Variants in FAM76A observed in about 807,000 individuals in gnomAD.
FAM76A encodes the protein family with sequence similarity 76 member A, also known as protein FAM76A.
FAM76A carries 32 observed loss-of-function variants against 46.2 expected under a neutral mutation model. The observed-to-expected ratio is 0.69, with a 90% confidence interval of 0.52 to 0.93. The LOEUF is 0.93. Among genes scored for constraint, FAM76A ranks in the 40% least tolerant of loss-of-function variants. The pLI, the probability that FAM76A is intolerant of heterozygous loss-of-function variation, is 0.00. For missense variants in FAM76A, 274 were observed against 361.5 expected, an observed-to-expected ratio of 0.76 and a Z score of 1.96; for synonymous variants, 137 against 127.0, an observed-to-expected ratio of 1.08 and a Z score of -0.53.
intron 7 of FAM76A, among the ~76,000 whole-genome samples, chr1:27,759,064 T>G (rs1371413884): frequency 6.6e-6 from 1 of 152,146 alleles, no homozygotes; most frequent in Admixed American, 6.6e-5. Context: ...ACCTCTGATT[T>G]AGAATTTCCT....
In FAM76A at chr1:27,727,502, T is replaced by G. The variant is rs1351606715; in HGVS notation, c.112T>G (p.Cys38Gly). 6.2e-7 allele frequency: 1 copy of G among 1,613,820 alleles called. No homozygotes were observed. Among genetic ancestry groups the G allele is most frequent in the African/African-American group, 1.3e-5 (1 of 74,934 alleles). The change falls in exon 2 of 9, where the codon TGC (cysteine) becomes GGC (glycine). Residue 38 changes from cysteine (C) to glycine (G), a missense_variant. Cys to Gly is a radical substitution (Grantham distance 159). Transcript: ENST00000373954. ...TCGGATTGCACACCCTGTTGTGAAG[T>G]GCACCTACTGCAGGACTGAGTACCA... The part of the protein sequence containing the change: ...ECRIAHPVVK[C>G]TYCRTEYQQE...
rs1475952705 is a variant in FAM76A, at chr1:27,749,074, A to G, written c.519A>G (p.Lys173=). 2 of 1,593,390 alleles carry G rather than the reference A, an allele frequency of 1.3e-6. No homozygotes were observed. The highest frequency in any genetic ancestry group is 2.2e-5 in the East Asian group (1 of 44,518). The change falls in exon 6 of 9, where the codon AAA becomes AAG. Residue 173 remains lysine, a synonymous_variant. Coordinates refer to ENST00000373954, the MANE Select transcript of FAM76A (RefSeq NM_152660.3). ...CTATTTTTGCCATTAAAAGCCAGAA[A>G]ACACTTTCTACATCTTCAATTCAAA... ...LSGGGHYNSQ[K]TLSTSSIQNE... is the part of the protein sequence containing the mutation.
At position 27,734,111 on chromosome 1, in the gene FAM76A, G is replaced by A. The variant is rs756904374; in HGVS notation, c.282G>A (p.Lys94=). 10 of 1,612,936 alleles carry A rather than the reference G, an allele frequency of 6.2e-6. No individual in the cohort carries two copies. In the Middle Eastern group the frequency reaches 4.9e-4, roughly 80 times the overall value. ...AGCGCTGCACAAATTCAGAAAAGAA[G>A]TATGGACCACCCTATTCTTGTGAAC... ...KCQRCTNSEK[K]YGPPYSCEQC... Residue 94 remains lysine (K), a synonymous_variant, in exon 4 of 9, where the codon AAG becomes AAA. Coordinates refer to ENST00000373954, the MANE Select transcript of FAM76A (RefSeq NM_152660.3).
At chr1:27,752,801 T>C (rs1244352401) in intron 6 of FAM76A, among the ~76,000 whole-genome samples, 1 of 152,220 alleles carries the variant, frequency 6.6e-6, no homozygotes, top group Admixed American at 6.5e-5. Flanking sequence ...GAGACTGGTT[T>C]TTCTGCCTTG....
intron 2 of FAM76A, among the ~76,000 whole-genome samples, chr1:27,731,725 A>G (rs1019024910): frequency 1.3e-5 from 2 of 152,050 alleles, no homozygotes; most frequent in Non-Finnish European, 2.9e-5. Flanking sequence ...CCATTTTAGT[A>G]TAATATTTTG....
chr1:27,733,151 C>T (rs1332145559), intron 3 of FAM76A, among the ~76,000 whole-genome samples: 1 of 152,060 alleles, frequency 6.6e-6, no homozygotes. Flanking sequence ...AGGCTGGTCT[C>T]GGACTCCTGA....
chr1:27,745,926 C>T (rs2088234201), intron 5 of FAM76A, among the ~76,000 whole-genome samples: 1 of 152,106 alleles, frequency 6.6e-6, no homozygotes, highest in Non-Finnish European at 1.5e-5. Context: ...GGTCCTGCAT[C>T]CTGGTAAGGA....
intron 8 of FAM76A, chr1:27,760,028 C>T (rs746252854): frequency 2.2e-6 from 1 of 458,184 alleles, no homozygotes; most frequent in Non-Finnish European, 4.4e-6. Context: ...CCACCTCAAC[C>T]TCACAAAGTG....
chr1:27,739,449 AT>A (rs2088112621), intron 4 of FAM76A: 2 of 470,130 alleles, frequency 4.3e-6, no homozygotes, highest in Non-Finnish European at 8.4e-6. Context: ...AGATTTGATG[AT>A]GGCAATTATG....
At chr1:27,759,831 G>A (rs369089360) in intron 8 of FAM76A, 6 of 573,564 alleles carry the variant, frequency 1.0e-5, no homozygotes, top group African/African-American at 4.0e-5. Flanking sequence ...GCAGTGGCAC[G>A]ATCATGGCTT....
intron 6 of FAM76A, among the ~76,000 whole-genome samples, chr1:27,749,832 C>G (rs1302675450): frequency 3.3e-5 from 5 of 152,206 alleles, no homozygotes; most frequent in Non-Finnish European, 7.3e-5. Context: ...AAAGCCAGCC[C>G]AGTGCAGATT....
At chr1:27,748,130 T>G (rs60687043) in intron 5 of FAM76A, among the ~76,000 whole-genome samples, 3,299 of 142,476 alleles carry the variant, frequency 0.023, 134 homozygotes, top group African/African-American at 0.083. Context: ...GTTTTTTTTT[T>G]TTTTTTTTTT....
chr1:27,761,334 T>C lies in FAM76A; in HGVS notation c.*753T>C, dbSNP rs1228575858. 1 of 152,576 alleles carries C rather than the reference T, an allele frequency of 6.6e-6. No individual in the cohort carries two copies. The highest frequency in any genetic ancestry group is 2.4e-5 in the African/African-American group (1 of 41,436). The allele number at this position is 152,576 out of a possible 1,614,324, so 9.5% of individuals were successfully genotyped here. On this transcript the variant is annotated 3_prime_UTR_variant, in exon 9 of 9. Transcript: ENST00000373954. Reference sequence around the variant, plus strand: ...TTTTCTTTCTTGTTACCTTGGAGTCTTAAAAACTGATTGCTAAGGTGAAAC... The same window carrying C: ...TTTTCTTTCTTGTTACCTTGGAGTCCTAAAAACTGATTGCTAAGGTGAAAC...
intron 4 of FAM76A, among the ~76,000 whole-genome samples, chr1:27,737,238 C>T (rs962774201): frequency 2.6e-5 from 4 of 152,106 alleles, no homozygotes; most frequent in African/African-American, 7.2e-5. Context: ...CATGAGCCAC[C>T]GTGCCCGGCC....
rs2087882113 is a variant in FAM76A, at chr1:27,727,590, CTG to C, written c.146+56_146+57del. 1.2e-5 allele frequency: 17 copies of C among 1,360,628 alleles called. No homozygotes were observed. In the Admixed American group the frequency reaches 2.8e-4, roughly 23 times the overall value. 84.3% of individuals were successfully genotyped at this position (1,360,628 alleles called of 1,614,324 possible). On this transcript the variant is annotated intron_variant, in intron 2 of 8. Transcript: ENST00000373954. Reference sequence around the variant, plus strand: ...TAATAGGCTTTTTTCCTCTTAAAATCTGTAATTGATTGCATTTCATGTACAGA... The same window carrying C: ...TAATAGGCTTTTTTCCTCTTAAAATCTAATTGATTGCATTTCATGTACAGA...
intron 5 of FAM76A, among the ~76,000 whole-genome samples, chr1:27,746,186 T>C (rs1444484633): frequency 2.0e-5 from 3 of 152,086 alleles, no homozygotes; most frequent in Admixed American, 2.0e-4. Context: ...GAAGATGTTT[T>C]GGATGGAGAA....
intron 3 of FAM76A, 85 bp from the exon 4 acceptor site, chr1:27,733,946 C>A: frequency 7.4e-7 from 1 of 1,355,522 alleles, no homozygotes; most frequent in Non-Finnish European, 1.0e-6. Flanking sequence ...GACTAATGAA[C>A]TACAAAGTAG....
intron 4 of FAM76A, chr1:27,740,580 T>A: frequency 1.1e-6 from 1 of 952,282 alleles, no homozygotes; most frequent in Non-Finnish European, 1.7e-6. Flanking sequence ...ATTGACTTGT[T>A]AAGAAATATA....
At chr1:27,748,125 T>G (rs967764094) in intron 5 of FAM76A, among the ~76,000 whole-genome samples, 49 of 139,356 alleles carry the variant, frequency 3.5e-4, no homozygotes, top group Admixed American at 1.5e-3. Context: ...AAGAAGTTTT[T>G]TTTTTTTTTT....
Sources: allele counts gnomAD v4.1 joint callset (sites outside exome capture counted in the v4.1 genomes callset), GRCh38; gene constraint gnomAD v4.1.1; transcripts MANE v1.5; gene names NCBI Gene and HGNC (gene_info 2026-07-23, HGNC 2026-07-21).